The following GPC6 variants were observed in gnomAD, a reference collection of about 807,000 sequenced individuals.
GPC6 encodes the protein glypican 6.
A neutral mutation model predicts 55.2 loss-of-function variants in GPC6; 14 were observed. The ratio of observed to expected loss-of-function variants is 0.25; its 90% confidence interval spans 0.17 to 0.40. The LOEUF is 0.40. GPC6 is among the 10% of genes least tolerant of loss of function. GPC6 has a pLI of 1.00. For synonymous variants in GPC6, 278 were observed against 259.6 expected (o/e 1.07, Z -0.68); for missense variants, 641 against 708.5 (o/e 0.90, Z 1.08).
At chr13:93,478,895 T>TA (rs1197222167) in intron 1 of GPC6, among the ~76,000 whole-genome samples, 2 of 152,174 alleles carry the variant, frequency 1.3e-5, no homozygotes, top group Non-Finnish European at 2.9e-5. Flanking sequence ...ACTACTATAT[T>TA]ATAGGCATGT....
At chr13:93,369,008 G>A (rs1881360818) in intron 1 of GPC6, among the ~76,000 whole-genome samples, 1 of 151,950 alleles carries the variant, frequency 6.6e-6, no homozygotes, top group Admixed American at 6.6e-5. Context: ...ACCATAAAAG[G>A]AGAGATGTCC....
rs149221712 is a variant in GPC6, at chr13:93,681,450, CTGAT to C, written c.319+136031_319+136034del. Among the ~76,000 whole-genome samples the C allele has an allele frequency of 6.0e-3, 920 of 152,084 alleles. 7 individuals are homozygous for C. Among genetic ancestry groups the C allele is most frequent in the African/African-American group, 0.021 (851 of 41,500 alleles). ...TATATGTTTGTGAATGCTTAGCAAACTGATTAAGGAAGATACGGCAAGAGCTGAC... is the reference window on the plus strand; with the variant it reads ...TATATGTTTGTGAATGCTTAGCAAACTAAGGAAGATACGGCAAGAGCTGAC... On this transcript the variant is annotated intron_variant, in intron 2 of 8. Transcript: ENST00000377047.
intron 4 of GPC6, among the ~76,000 whole-genome samples, chr13:94,269,914 G>A (rs1891937969): frequency 6.6e-6 from 1 of 152,196 alleles, no homozygotes; most frequent in Non-Finnish European, 1.5e-5. Context: ...TGAGCTCAGT[G>A]TCAGATGTTG....
At chr13:94,209,512 T>C (rs1390214821) in intron 4 of GPC6, among the ~76,000 whole-genome samples, 1 of 152,182 alleles carries the variant, frequency 6.6e-6, no homozygotes, top group East Asian at 1.9e-4. Context: ...ACTTTAATGC[T>C]CCTGCAGAAA....
intron 1 of GPC6, among the ~76,000 whole-genome samples, chr13:93,517,335 C>G (rs950336205): frequency 2.0e-5 from 3 of 151,962 alleles, no homozygotes; most frequent in African/African-American, 7.2e-5. Flanking sequence ...GGCCAAGCCT[C>G]CTTTTCAGGC....
Position 94,144,202 on chromosome 13 carries a change from C to A in GPC6, c.877+116308C>A, listed in dbSNP as rs150831338. Among the ~76,000 whole-genome samples, 199 of 152,148 alleles carry A rather than the reference C, an allele frequency of 1.3e-3. 2 individuals are homozygous for A. Among genetic ancestry groups the A allele is most frequent in the African/African-American group, 4.1e-3 (170 of 41,512 alleles). On this transcript the variant is annotated intron_variant, in intron 4 of 8. Transcript: ENST00000377047. ...CCCAGCAGCAAGCAAGTACCTGTAA[C>A]CACAGAGGGCAGGGTCTGTAACATC...
chr13:93,513,516 A>C (rs1881062640), intron 1 of GPC6, among the ~76,000 whole-genome samples: 1 of 152,182 alleles, frequency 6.6e-6, no homozygotes, highest in Non-Finnish European at 1.5e-5. Flanking sequence ...TAATTAGTAA[A>C]TGTTGGTATT....
chr13:93,545,338 G>A lies in GPC6; in HGVS notation c.236G>A (p.Ser79Asn). The change falls in exon 2 of 9, where the codon AGC becomes AAC. Residue 79 changes from serine to asparagine, a missense_variant. Transcript: ENST00000377047. The part of the protein sequence containing the change: ...TEMEDKLSQQ[S>N]KLEFENLVEE... ...ATGGAAGACAAGTTAAGCCAACAAA[G>A]CAAACTCGAATTTGAAAACCTTGTG... The A allele has an allele frequency of 6.2e-7, 1 of 1,613,556 alleles. No homozygotes were observed. The highest frequency in any genetic ancestry group is 2.2e-5 in the East Asian group (1 of 44,854).
At chr13:93,834,375 C>CA (rs1257073094) in intron 3 of GPC6, among the ~76,000 whole-genome samples, 2 of 151,870 alleles carry the variant, frequency 1.3e-5, no homozygotes, top group Non-Finnish European at 2.9e-5. Context: ...TTATGAAGTT[C>CA]AAAAATGTAA....
chr13:94,310,424 G>T (rs544151928), intron 6 of GPC6, among the ~76,000 whole-genome samples: 26 of 152,242 alleles, frequency 1.7e-4, no homozygotes, highest in African/African-American at 5.5e-4. Flanking sequence ...TTTGGGGTGG[G>T]GATGGGTGGA....
intron 4 of GPC6, among the ~76,000 whole-genome samples, chr13:94,106,317 A>G (rs1161132098): frequency 1.1e-4 from 16 of 152,236 alleles, no homozygotes; most frequent in Non-Finnish European, 1.6e-4. Flanking sequence ...AGAAAAGGTT[A>G]CATTATTTGG....
chr13:93,789,499 CTCTCTCTCTCTATATATA>C (rs1885925359), intron 2 of GPC6, among the ~76,000 whole-genome samples: 2 of 77,912 alleles, frequency 2.6e-5, no homozygotes, highest in South Asian at 8.7e-4. Flanking sequence ...CTCTCTCTCT[CTCTCTCTCTCTATATATA>C]TATATATATA....
At chr13:94,230,910 A>T (rs996144662) in intron 4 of GPC6, among the ~76,000 whole-genome samples, 4 of 152,114 alleles carry the variant, frequency 2.6e-5, no homozygotes, top group African/African-American at 7.2e-5. Context: ...GGTGTTATTT[A>T]CTCATTTTTC....
At chr13:93,856,305 A>G (rs1888608491) in intron 3 of GPC6, among the ~76,000 whole-genome samples, 1 of 151,544 alleles carries the variant, frequency 6.6e-6, no homozygotes, top group Non-Finnish European at 1.5e-5. Flanking sequence ...AGTGATGTCA[A>G]GTGGGTTGAG....
intron 4 of GPC6, among the ~76,000 whole-genome samples, chr13:94,091,465 A>C (rs954148550): frequency 6.6e-6 from 1 of 152,214 alleles, no homozygotes; most frequent in African/African-American, 2.4e-5. Flanking sequence ...AAAGAAATCA[A>C]TAAAGTATTT....
intron 2 of GPC6, among the ~76,000 whole-genome samples, chr13:93,664,011 T>A (rs568204315): frequency 1.4e-4 from 22 of 152,206 alleles, no homozygotes; most frequent in Non-Finnish European, 2.5e-4. Flanking sequence ...CTCTCAGCAT[T>A]AGTCGTTGTT....
At chr13:94,352,697 C>T (rs1369908615) in intron 6 of GPC6, among the ~76,000 whole-genome samples, 6 of 152,190 alleles carry the variant, frequency 3.9e-5, no homozygotes, top group Non-Finnish European at 8.8e-5. Context: ...TTTCTACACT[C>T]TGCTGTCACC....
intron 4 of GPC6, among the ~76,000 whole-genome samples, chr13:94,223,183 C>T (rs1890440034): frequency 6.6e-6 from 1 of 152,026 alleles, no homozygotes; most frequent in Admixed American, 6.6e-5. Flanking sequence ...TCCATGAATA[C>T]CTAATTGCCT....
chr13:93,851,649 A>G (rs901039161), intron 3 of GPC6, among the ~76,000 whole-genome samples: 5 of 151,856 alleles, frequency 3.3e-5, no homozygotes, highest in Admixed American at 1.3e-4. Flanking sequence ...GCTAGCTTGG[A>G]AGAATTATGT....
Sources: allele counts gnomAD v4.1 joint callset (sites outside exome capture counted in the v4.1 genomes callset), GRCh38; gene constraint gnomAD v4.1.1; transcripts MANE v1.5; gene names NCBI Gene and HGNC (gene_info 2026-07-23, HGNC 2026-07-21).